Variants in NFILZ observed in about 807,000 individuals in gnomAD.
NFILZ encodes the protein NFIL3 like basic leucine zipper, also known as NFIL3 like protein.
chr19:8,672,255 G>C (rs1210590620), intron 3 of NFILZ, among the ~76,000 whole-genome samples: 2 of 149,576 alleles, frequency 1.3e-5, no homozygotes, highest in Non-Finnish European at 1.5e-5. Flanking sequence ...AATAATCCAG[G>C]CATTTATTAG....
At chr19:8,676,710 AC>A in intron 5 of NFILZ, 40 bp from the exon 6 acceptor site, 1 of 152,262 alleles carries the variant, frequency 6.6e-6, no homozygotes, top group Non-Finnish European at 1.5e-5. Flanking sequence ...ATCCAGGTCC[AC>A]CCTTTGCCAT....
intron 3 of NFILZ, among the ~76,000 whole-genome samples, chr19:8,646,238 T>C (rs536144381): frequency 9.9e-5 from 15 of 152,236 alleles, no homozygotes; most frequent in African/African-American, 3.6e-4. Context: ...GGTTTCACCA[T>C]GTTGGCCAGG....
At position 8,673,493 on chromosome 19, in the gene NFILZ, C is replaced by G. The variant is rs75347323; in HGVS notation, c.-163-1058C>G. The stretch of plus-strand genomic sequence containing the variant: ...GTGATGTGGGCAGGTGTGGAGCCGC[C>G]TACCACTACAGCAAGTGGCAACAGG... On this transcript the variant is annotated intron_variant, in intron 3 of 5. Transcript: ENST00000691075. Among the ~76,000 whole-genome samples, 32 of 152,316 alleles carry G rather than the reference C, an allele frequency of 2.1e-4. No individual in the cohort carries two copies. The East Asian group carries it at 6.0e-3, about 28-fold the overall frequency.
chr19:8,669,157 C>T (rs1600154405), intron 3 of NFILZ, among the ~76,000 whole-genome samples: 1 of 152,196 alleles, frequency 6.6e-6, no homozygotes, highest in African/African-American at 2.4e-5. Flanking sequence ...GTTGGCCAGG[C>T]TGGTCTCGAA....
intron 3 of NFILZ, among the ~76,000 whole-genome samples, chr19:8,665,555 G>T (rs1477340946): frequency 6.6e-6 from 1 of 152,070 alleles, no homozygotes; most frequent in Non-Finnish European, 1.5e-5. Flanking sequence ...TGCCCAGGCT[G>T]GTCTCCAGCT....
intron 3 of NFILZ, among the ~76,000 whole-genome samples, chr19:8,645,575 A>T (rs985725060): frequency 2.6e-5 from 4 of 152,192 alleles, no homozygotes; most frequent in Admixed American, 6.5e-5. Flanking sequence ...CCCAGAGCCA[A>T]TGAGAGGCAA....
chr19:8,673,914 C>T (rs1568425436), intron 3 of NFILZ, among the ~76,000 whole-genome samples: 1 of 152,196 alleles, frequency 6.6e-6, no homozygotes, highest in Admixed American at 6.5e-5. Flanking sequence ...AATCTTGGCT[C>T]ACTGCAACCT....
intron 3 of NFILZ, among the ~76,000 whole-genome samples, chr19:8,644,476 G>A (rs1192169373): frequency 6.6e-6 from 1 of 151,694 alleles, no homozygotes; most frequent in Admixed American, 6.6e-5. Flanking sequence ...ATTAAAGTCA[G>A]TCTATGCTAT....
rs2043126808 is a variant in NFILZ, at chr19:8,678,181, CCATCCATCCGTCCATCTAT to C, written c.*548_*566del. 1.5e-5 allele frequency among the ~76,000 whole-genome samples: 1 copy of C among 67,356 alleles called. No individual in the cohort carries two copies. The highest frequency in any genetic ancestry group is 3.2e-5 in the Non-Finnish European group (1 of 31,716). 44.2% of individuals were successfully genotyped at this position (67,356 alleles called of 152,430 possible). On this transcript the variant is annotated 3_prime_UTR_variant, in exon 6 of 6. Coordinates refer to ENST00000691075, the MANE Select transcript of NFILZ (RefSeq NM_001378600.1). ...TCCATCCATCCATCCATCCATCCAT[CCATCCATCCGTCCATCTAT>C]CCATCCATCCATTCATCCATCCGTC...
intron 3 of NFILZ, among the ~76,000 whole-genome samples, chr19:8,663,938 C>G (rs1406234592): frequency 6.6e-6 from 1 of 151,982 alleles, no homozygotes; most frequent in Non-Finnish European, 1.5e-5. Flanking sequence ...CTCTGAGCTT[C>G]CTTCCTTTGA....
intron 3 of NFILZ, among the ~76,000 whole-genome samples, chr19:8,652,985 TTCCTTC>T (rs2042972656): frequency 6.5e-5 from 3 of 46,060 alleles, no homozygotes; most frequent in Admixed American, 2.5e-4. Flanking sequence ...CCTTCCTTCC[TTCCTTC>T]CTTCCTTCCT....
chr19:8,637,930 A>AAAAAAAAG (rs1421127557), intron 3 of NFILZ, among the ~76,000 whole-genome samples: 43 of 149,408 alleles, frequency 2.9e-4, no homozygotes, highest in African/African-American at 1.0e-3. Flanking sequence ...AAAAAAAAAA[A>AAAAAAAAG]AAAAGAAAAG....
chr19:8,672,331 A>T (rs1256026360), intron 3 of NFILZ, among the ~76,000 whole-genome samples: 3 of 152,176 alleles, frequency 2.0e-5, no homozygotes, highest in Non-Finnish European at 4.4e-5. Context: ...TTATTTGTTC[A>T]TTCAAAAAAA....
chr19:8,653,040 C>CCT (rs1555747934), intron 3 of NFILZ, among the ~76,000 whole-genome samples: 6 of 63,402 alleles, frequency 9.5e-5, no homozygotes, highest in East Asian at 1.1e-3. Flanking sequence ...TTCTTTCTTT[C>CCT]TCTCTCTCTC....
chr19:8,653,156 A>G (rs1338205113), intron 3 of NFILZ, among the ~76,000 whole-genome samples: 1 of 147,702 alleles, frequency 6.8e-6, no homozygotes, highest in African/African-American at 2.5e-5. Context: ...ATCTTGGCTC[A>G]CTGCAACCTT....
intron 3 of NFILZ, among the ~76,000 whole-genome samples, chr19:8,665,014 T>C (rs1465415727): frequency 6.6e-6 from 1 of 152,098 alleles, no homozygotes; most frequent in Non-Finnish European, 1.5e-5. Context: ...GGTCCTTACC[T>C]AGCTTTCTGG....
chr19:8,672,658 CCAAAAATCCATGCATTTATTAGTTCATT>C (rs2043093855), intron 3 of NFILZ, among the ~76,000 whole-genome samples: 1 of 151,650 alleles, frequency 6.6e-6, no homozygotes, highest in Non-Finnish European at 1.5e-5. Context: ...TTAGTTCATG[CCAAAAATCCATGCATTTATTAGTTCATT>C]CAAAAATATT....
At chr19:8,644,391 G>A (rs1271542577) in intron 3 of NFILZ, among the ~76,000 whole-genome samples, 6 of 152,014 alleles carry the variant, frequency 3.9e-5, no homozygotes, top group African/African-American at 9.7e-5. Flanking sequence ...ATGAGCCACC[G>A]TAGCTGGTAA....
chr19:8,665,990 G>A (rs1197375882), intron 3 of NFILZ, among the ~76,000 whole-genome samples: 4 of 151,938 alleles, frequency 2.6e-5, no homozygotes, highest in African/African-American at 9.7e-5. Flanking sequence ...ATGGGTGGAG[G>A]AATTTGTGAG....
Sources: allele counts gnomAD v4.1 joint callset (sites outside exome capture counted in the v4.1 genomes callset), GRCh38; gene constraint gnomAD v4.1.1; transcripts MANE v1.5; gene names NCBI Gene and HGNC (gene_info 2026-07-23, HGNC 2026-07-21).